Variants in MORC4 observed in about 807,000 individuals in gnomAD.
MORC4 encodes MORC family CW-type zinc finger protein 4.
A neutral mutation model predicts 65.5 loss-of-function variants in MORC4; 22 were observed. The ratio of observed to expected loss-of-function variants is 0.34; its 90% CI spans 0.24 to 0.48. The LOEUF (loss-of-function observed/expected upper bound fraction) is 0.48. MORC4 is among the 20% of genes least tolerant of loss of function. The pLI is 0.99. For missense variants in MORC4, 624 were observed against 703.0 expected, an observed-to-expected ratio of 0.89 and a Z score of 1.27; for synonymous variants, 267 against 255.8, an observed-to-expected ratio of 1.04 and a Z score of -0.42.
At position 106,942,901 on chromosome X, in the gene MORC4, C is replaced by T. The variant is rs201599144; in HGVS notation, c.1990G>A (p.Asp664Asn). 6.2e-5 allele frequency: 75 copies of T among 1,210,276 alleles called. No individual in the cohort carries two copies. The highest frequency in any genetic ancestry group is 8.3e-5 in the Non-Finnish European group (74 of 895,307). Residue 664 changes from aspartate to asparagine, a missense_variant, in exon 15 of 17, where the codon GAT becomes AAT. By Grantham distance (23) the Asp-to-Asn change is conservative (BLOSUM62 1). Transcript: ENST00000355610. ...TCTGCCACCAATCTTGGCATCTGAT[C>T]TTCTAATTCTTCAGGAAGCAGGGAC... ...QGSLLPEELE[D>N]QMPRLVAEES...
intron 2 of MORC4, among the ~76,000 whole-genome samples, chrX:106,998,245 T>TA (rs1307407249): frequency 8.9e-6 from 1 of 112,537 alleles, no homozygotes; most frequent in Non-Finnish European, 1.9e-5. Flanking sequence ...TATTTGGTCT[T>TA]AAAATCTATG....
chrX:106,987,917 A>G (rs1934904611), intron 3 of MORC4, among the ~76,000 whole-genome samples: 1 of 110,438 alleles, frequency 9.1e-6, no homozygotes, highest in South Asian at 3.8e-4. Context: ...GGGCCTTAGT[A>G]TTCCAGGATA....
intron 10 of MORC4, among the ~76,000 whole-genome samples, chrX:106,959,146 G>A (rs1418716777): frequency 8.9e-6 from 1 of 111,956 alleles, no homozygotes; most frequent in Non-Finnish European, 1.9e-5. Flanking sequence ...GGTGGTTCCA[G>A]ACAGCAATGG....
intron 9 of MORC4, among the ~76,000 whole-genome samples, chrX:106,972,019 G>A (rs1400031223): frequency 8.0e-5 from 9 of 112,118 alleles, no homozygotes; most frequent in African/African-American, 1.6e-4. Flanking sequence ...ACATGCACAC[G>A]TATGTTTATT....
intron 10 of MORC4, among the ~76,000 whole-genome samples, chrX:106,961,704 G>A (rs1934249058): frequency 8.9e-6 from 1 of 111,809 alleles, no homozygotes; most frequent in Non-Finnish European, 1.9e-5. Context: ...GAACACGGGA[G>A]GGAACAATAA....
At chrX:106,975,870 C>A (rs1934611909) in intron 9 of MORC4, among the ~76,000 whole-genome samples, 1 of 111,029 alleles carries the variant, frequency 9.0e-6, no homozygotes. Flanking sequence ...CCTATTAAAG[C>A]AATTATTTTA....
At chrX:106,969,188 ACTACATGG>A (rs1934446109) in intron 9 of MORC4, among the ~76,000 whole-genome samples, 1 of 112,276 alleles carries the variant, frequency 8.9e-6, no homozygotes, top group South Asian at 3.7e-4. Flanking sequence ...AAATCACACA[ACTACATGG>A]AAACTGAACA....
intron 14 of MORC4, among the ~76,000 whole-genome samples, chrX:106,951,298 T>C (rs1019532285): frequency 8.9e-6 from 1 of 112,484 alleles, no homozygotes; most frequent in African/African-American, 3.2e-5. Context: ...CTTTGACATA[T>C]AGCTTACTCA....
Position 106,941,555 on chromosome X carries a change from C to T in MORC4, c.2738G>A (p.Arg913His), listed in dbSNP as rs780806565. The T allele has an allele frequency of 5.8e-6, 7 of 1,207,985 alleles. No homozygotes were observed. The highest frequency in any genetic ancestry group is 3.5e-5 in the South Asian group (2 of 56,628). ...LTSVLPHLEL[R>H]EIGYDSEQVD... is the part of the protein sequence containing the mutation. ...TTGTTCTGAGTCATACCCGATCTCA[C>T]GAAGCTCCAAGTGAGGGAGGACAGA... The change falls in exon 17 of 17, where the codon CGT (arginine) becomes CAT (histidine). Residue 913 changes from arginine (R) to histidine (H), a missense_variant. By Grantham distance (29) the Arg-to-His change is conservative. Transcript: ENST00000355610.
intron 14 of MORC4, among the ~76,000 whole-genome samples, chrX:106,947,571 T>TATATATATATATATATATATAA (rs1555982139): frequency 5.1e-5 from 4 of 77,956 alleles, no homozygotes; most frequent in Non-Finnish European, 9.3e-5. Context: ...TATATATATA[T>TATATATATATATATATATATAA]TATATATATA....
At position 106,956,928 on chromosome X, in the gene MORC4, T is replaced by C. The variant is rs752809453; in HGVS notation, c.1454+8A>G. Reference sequence around the variant, plus strand: ...ATGGTAGAGAACCCCATCTCATGTATACTCAACTGTTTCTTAGCTTTGCTC... The same window carrying C: ...ATGGTAGAGAACCCCATCTCATGTACACTCAACTGTTTCTTAGCTTTGCTC... On this transcript the variant is annotated splice_region_variant and intron_variant, in intron 12 of 16. Coordinates refer to ENST00000355610, the MANE Select transcript of MORC4 (RefSeq NM_024657.5). 8.5e-7 allele frequency: 1 copy of C among 1,177,740 alleles called. No homozygotes were observed. Among genetic ancestry groups the C allele is most frequent in the Non-Finnish European group, 1.2e-6 (1 of 867,143 alleles).
intron 9 of MORC4, among the ~76,000 whole-genome samples, chrX:106,966,196 G>C (rs1934368840): frequency 8.9e-6 from 1 of 112,337 alleles, no homozygotes; most frequent in Non-Finnish European, 1.9e-5. Flanking sequence ...TGTCAGGAAA[G>C]TATGCTCTAG....
intron 2 of MORC4, among the ~76,000 whole-genome samples, chrX:106,993,833 C>T (rs1935026987): frequency 8.9e-6 from 1 of 112,007 alleles, no homozygotes; most frequent in Non-Finnish European, 1.9e-5. Context: ...TTATTTTCTT[C>T]TTTCTTACAT....
chrX:106,964,052 AAAAG>A (rs1333730844), intron 9 of MORC4, among the ~76,000 whole-genome samples: 1 of 111,891 alleles, frequency 8.9e-6, no homozygotes, highest in African/African-American at 3.2e-5. Flanking sequence ...CCACCCCTGA[AAAAG>A]AACTGATAAT....
At chrX:106,966,005 G>C (rs752002750) in intron 9 of MORC4, among the ~76,000 whole-genome samples, 1 of 111,958 alleles carries the variant, frequency 8.9e-6, no homozygotes, top group Non-Finnish European at 1.9e-5. Flanking sequence ...TTTAGCTGAG[G>C]AGATCTTCAG....
At chrX:106,948,396 A>AAT (rs1049648947) in intron 14 of MORC4, among the ~76,000 whole-genome samples, 26 of 111,499 alleles carry the variant, frequency 2.3e-4, no homozygotes, top group Admixed American at 5.7e-4. Flanking sequence ...ACGATAAATC[A>AAT]ATATATATAT....
chrX:106,969,763 T>C (rs766270204), intron 9 of MORC4, among the ~76,000 whole-genome samples: 2 of 111,663 alleles, frequency 1.8e-5, no homozygotes, highest in African/African-American at 6.5e-5. Context: ...TACACCCTCC[T>C]AAGTGTAAAG....
intron 9 of MORC4, among the ~76,000 whole-genome samples, chrX:106,974,346 T>C (rs1053124500): frequency 6.3e-5 from 7 of 111,630 alleles, no homozygotes; most frequent in African/African-American, 2.3e-4. Flanking sequence ...TCATTTAACT[T>C]GATTTGCCTT....
intron 4 of MORC4, among the ~76,000 whole-genome samples, chrX:106,985,679 G>GA (rs112124198): frequency 3.6e-4 from 36 of 100,055 alleles, no homozygotes; most frequent in Admixed American, 6.4e-4. Flanking sequence ...ATCCTTAGGG[G>GA]AAAAAAAAAA....
Sources: gnomAD v4.1 joint callset for allele counts (sites outside exome capture counted in the v4.1 genomes callset) on GRCh38, gnomAD v4.1.1 for gene constraint, MANE v1.5 for transcripts, NCBI Gene and HGNC (gene_info 2026-07-23, HGNC 2026-07-21) for gene names.